Variants in CNBD1 observed in about 807,000 individuals in gnomAD.
CNBD1 encodes cyclic nucleotide-binding domain-containing protein 1.
CNBD1 carries 71 observed loss-of-function variants against 54.4 expected under a neutral mutation model. The ratio of observed to expected loss-of-function variants is 1.30; its 90% CI spans 1.08 to 1.59. The LOEUF is 1.59. Ranked by LOEUF, CNBD1 falls within the 40% of genes most tolerant of loss-of-function variation. The probability of loss-of-function intolerance (pLI) is 0.00; values close to 1 mark genes in which losing one functional copy is unlikely to be tolerated. For synonymous variants in CNBD1, 182 were observed against 170.7 expected (o/e 1.07, Z -0.51); for missense variants, 659 against 518.0 (o/e 1.27, Z -2.64).
At chr8:86,869,278 A>G (rs1808407700) in intron 1 of CNBD1, among the ~76,000 whole-genome samples, 1 of 152,208 alleles carries the variant, frequency 6.6e-6, no homozygotes, top group Non-Finnish European at 1.5e-5. Context: ...TAGGTTTCAT[A>G]CTAAGGTTCA....
chr8:86,983,504 G>GA, intron 4 of CNBD1, among the ~76,000 whole-genome samples: 1 of 152,276 alleles, frequency 6.6e-6, no homozygotes. Flanking sequence ...GAAGAAGACA[G>GA]AAAAATGTGA....
At chr8:87,277,279 G>T (rs1459651297) in intron 6 of CNBD1, among the ~76,000 whole-genome samples, 1 of 151,636 alleles carries the variant, frequency 6.6e-6, no homozygotes, top group Non-Finnish European at 1.5e-5. Flanking sequence ...GTCTTATTCA[G>T]GGGAAGGTCA....
At chr8:87,280,609 G>A (rs1808582321) in intron 6 of CNBD1, among the ~76,000 whole-genome samples, 3 of 151,296 alleles carry the variant, frequency 2.0e-5, no homozygotes, top group Non-Finnish European at 4.4e-5. Context: ...TAAATGCCTG[G>A]AGGCTAAAAG....
rs190162735 is a variant in CNBD1 at position 87,260,197 on chromosome 8, T to C, written c.771+23085T>C. On this transcript the variant is annotated intron_variant, in intron 6 of 10. Transcript: ENST00000518476. ...GCTTTTAACTACTCCAGATAATTTT[T>C]AGAGCTAATTACGACCTGAACCCTA... Among the ~76,000 whole-genome samples the C allele has an allele frequency of 4.6e-5, 7 of 152,290 alleles. No individual in the cohort carries two copies. In the East Asian group the frequency reaches 1.4e-3, roughly 29 times the overall value.
chr8:86,891,598 A>G (rs1808769562), intron 2 of CNBD1, among the ~76,000 whole-genome samples: 1 of 151,882 alleles, frequency 6.6e-6, no homozygotes, highest in African/African-American at 2.4e-5. Context: ...CAAATTTCAG[A>G]ATTGTTTTTT....
chr8:87,271,261 A>G (rs188006225), intron 6 of CNBD1, among the ~76,000 whole-genome samples: 1 of 150,914 alleles, frequency 6.6e-6, no homozygotes, highest in South Asian at 2.1e-4. Context: ...TTTCAGTCTC[A>G]ATTTCATTTA....
At chr8:87,390,000 G>A (rs1811274873) in intron 2 of CNBD1, among the ~76,000 whole-genome samples, 1 of 136,518 alleles carries the variant, frequency 7.3e-6, no homozygotes, top group Admixed American at 7.3e-5. Context: ...AATGGGGAAA[G>A]GATTCCCTAT....
At chr8:87,267,383 A>G (rs1320346039) in intron 6 of CNBD1, among the ~76,000 whole-genome samples, 1 of 152,314 alleles carries the variant, frequency 6.6e-6, no homozygotes, top group East Asian at 1.9e-4. Context: ...TAGACAATAT[A>G]TAATGATGGA....
At chr8:87,361,036 A>G (rs2130936533) in intron 10 of CNBD1, among the ~76,000 whole-genome samples, 1 of 152,078 alleles carries the variant, frequency 6.6e-6, no homozygotes, top group African/African-American at 2.4e-5. Context: ...TTAAATTAAC[A>G]AAACTAATAA....
chr8:87,131,435 T>C (rs529893716), intron 4 of CNBD1, among the ~76,000 whole-genome samples: 8 of 152,186 alleles, frequency 5.3e-5, no homozygotes, highest in African/African-American at 1.4e-4. Context: ...CTTGCAATCA[T>C]ATAGGTCATT....
At chr8:87,327,865 A>T (rs1809718841) in intron 8 of CNBD1, among the ~76,000 whole-genome samples, 1 of 152,038 alleles carries the variant, frequency 6.6e-6, no homozygotes. Context: ...TTTACAGTTT[A>T]AAGTTTTATG....
chr8:87,371,286 G>A (rs1810787310), intron 10 of CNBD1, among the ~76,000 whole-genome samples: 1 of 151,958 alleles, frequency 6.6e-6, no homozygotes, highest in Non-Finnish European at 1.5e-5. Flanking sequence ...TAGCTTGATG[G>A]GGATGGCATT....
intron 4 of CNBD1, among the ~76,000 whole-genome samples, chr8:87,203,138 C>A (rs1039635976): frequency 6.6e-6 from 1 of 152,044 alleles, no homozygotes; most frequent in South Asian, 2.1e-4. Flanking sequence ...AATGGGAATA[C>A]GCTTGGTAAA....
chr8:87,231,174 G>A lies in CNBD1; in HGVS notation c.578-5745G>A, dbSNP rs532659562. Among the ~76,000 whole-genome samples, 6 of 151,994 alleles carry A rather than the reference G, an allele frequency of 3.9e-5. No homozygotes were observed. In the South Asian group the frequency reaches 1.0e-3, roughly 26 times the overall value. ...ATTATAATGTTTATATCATAAACAT[G>A]TATTCATAGGCAGACATATATTTAC... is the stretch of plus-strand genomic sequence containing the variant. On this transcript the variant is annotated intron_variant, in intron 5 of 10. Transcript: ENST00000518476.
At chr8:87,425,757 T>A (rs1475107015) in intron 2 of CNBD1, among the ~76,000 whole-genome samples, 7 of 152,084 alleles carry the variant, frequency 4.6e-5, no homozygotes, top group Middle Eastern at 3.2e-3. Flanking sequence ...CTGCAGAGGT[T>A]ACTGCTGTCT....
In CNBD1 at chr8:87,413,082, C is replaced by A. The variant is rs531290786; in HGVS notation, c.214-15464C>A. 4.6e-5 allele frequency among the ~76,000 whole-genome samples: 7 copies of A among 152,024 alleles called. No homozygotes were observed. The East Asian group carries it at 1.4e-3, about 30-fold the overall frequency. On this transcript the variant is annotated intron_variant, in intron 2 of 7. Transcript: ENST00000521593. ...AAAAGATTTAGGGGCTCACAAGGGG[C>A]TCTCAATTGTACCTAGTGAACGATT...
intron 1 of CNBD1, among the ~76,000 whole-genome samples, chr8:86,883,862 C>T (rs1438999117): frequency 6.6e-6 from 1 of 152,122 alleles, no homozygotes; most frequent in African/African-American, 2.4e-5. Context: ...TAAAACATTG[C>T]CCCTTTCGGC....
chr8:86,874,035 C>T (rs1017226244), intron 1 of CNBD1, among the ~76,000 whole-genome samples: 2 of 152,154 alleles, frequency 1.3e-5, no homozygotes, highest in Non-Finnish European at 2.9e-5. Context: ...CTGATAATGT[C>T]CTTTCTAGTA....
At chr8:87,191,119 C>G (rs1813601429) in intron 4 of CNBD1, among the ~76,000 whole-genome samples, 1 of 151,688 alleles carries the variant, frequency 6.6e-6, no homozygotes, top group Non-Finnish European at 1.5e-5. Context: ...TGGCTCAGTC[C>G]AAATCTGAAA....
Sources: gnomAD v4.1 joint callset for allele counts (sites outside exome capture counted in the v4.1 genomes callset) on GRCh38, gnomAD v4.1.1 for gene constraint, MANE v1.5 for transcripts, NCBI Gene and HGNC (gene_info 2026-07-23, HGNC 2026-07-21) for gene names.